The following TMPO variants were observed in gnomAD, a reference collection of about 807,000 sequenced individuals.
The protein encoded by TMPO is thymopoietin.
A neutral mutation model predicts 45.4 loss-of-function variants in TMPO; 22 were observed. The observed-to-expected ratio is 0.48, with a 90% CI of 0.35 to 0.69. TMPO has a LOEUF of 0.69. TMPO is among the 30% of genes least tolerant of loss of function. TMPO has a pLI of 0.01. For missense variants in TMPO, 512 were observed against 548.8 expected, an observed-to-expected ratio of 0.93 and a Z score of 0.67; for synonymous variants, 241 against 204.1, an observed-to-expected ratio of 1.18 and a Z score of -1.54.
At chr12:98,543,720 A>G (rs1182835740) in intron 4 of TMPO, among the ~76,000 whole-genome samples, 1 of 152,204 alleles carries the variant, frequency 6.6e-6, no homozygotes, top group Non-Finnish European at 1.5e-5. Context: ...TTTTAGTTCA[A>G]ATAAGCTATA....
chr12:98,539,863 G>A (rs752987509), intron 4 of TMPO, among the ~76,000 whole-genome samples: 1 of 152,176 alleles, frequency 6.6e-6, no homozygotes, highest in African/African-American at 2.4e-5. Flanking sequence ...TAAAAAGTCA[G>A]CATTTTAGCA....
At chr12:98,531,186 C>T (rs113401891) in intron 2 of TMPO, among the ~76,000 whole-genome samples, 3,631 of 150,986 alleles carry the variant, frequency 0.024, 148 homozygotes, top group African/African-American at 0.084. Flanking sequence ...GTGATCCACC[C>T]GCCTTGGCCT....
intron 7 of TMPO, among the ~76,000 whole-genome samples, chr12:98,545,592 C>T (rs1175435830): frequency 6.6e-6 from 1 of 152,084 alleles, no homozygotes; most frequent in Non-Finnish European, 1.5e-5. Context: ...GTAAAACAAG[C>T]TAAACATTAT....
In TMPO at chr12:98,546,283, A is replaced by C. The variant is rs1018314682; in HGVS notation, c.991-76A>C. The C allele has an allele frequency of 1.8e-5, 18 of 974,972 alleles. No homozygotes were observed. In the African/African-American group the frequency reaches 2.7e-4, roughly 15 times the overall value. The allele number at this position is 974,972 out of a possible 1,614,324, so 60.4% of individuals were successfully genotyped here. ...AAAGGCATTTTGTTCTCTAAAACTT[A>C]CTATTTATGTTTTAATTATTGCATG... On this transcript the variant is annotated intron_variant, in intron 7 of 8. Coordinates refer to ENST00000556029, the MANE Select transcript of TMPO (RefSeq NM_001032283.3).
chr12:98,538,631 G>A (rs911752588), intron 4 of TMPO, among the ~76,000 whole-genome samples: 3 of 152,080 alleles, frequency 2.0e-5, no homozygotes, highest in Non-Finnish European at 2.9e-5. Flanking sequence ...GGGATTACAG[G>A]TGTGAGCCAC....
chr12:98,521,342 G>C (rs1472053476), intron 1 of TMPO, among the ~76,000 whole-genome samples: 1 of 151,820 alleles, frequency 6.6e-6, no homozygotes, highest in Non-Finnish European at 1.5e-5. Flanking sequence ...TGGATCTCCT[G>C]ATCTTCTGAT....
chr12:98,537,345 A>G (rs1337794008), intron 3 of TMPO, 130 bp from the exon 4 acceptor site: 1 of 679,056 alleles, frequency 1.5e-6, no homozygotes, highest in Non-Finnish European at 2.5e-6. Flanking sequence ...TGGACTAGTG[A>G]GGTATTACCA....
intron 1 of TMPO, among the ~76,000 whole-genome samples, chr12:98,518,902 A>G (rs1876108255): frequency 6.7e-6 from 1 of 148,514 alleles, no homozygotes; most frequent in Admixed American, 6.7e-5. Flanking sequence ...TTTTTTTTTG[A>G]GACGAGTCTT....
chr12:98,531,596 C>A, intron 2 of TMPO, 84 bp from the exon 3 acceptor site: 1 of 1,396,876 alleles, frequency 7.2e-7, no homozygotes, highest in Non-Finnish European at 1.0e-6. Flanking sequence ...GTGAAAATAG[C>A]TTAAAATGTT....
chr12:98,519,129 G>A (rs1344843704), intron 1 of TMPO, among the ~76,000 whole-genome samples: 3 of 152,080 alleles, frequency 2.0e-5, no homozygotes, highest in Non-Finnish European at 4.4e-5. Context: ...TGATCCTCCC[G>A]TCTCGGCTTC....
chr12:98,536,993 G>A (rs57467331), intron 3 of TMPO, among the ~76,000 whole-genome samples: 5,892 of 152,128 alleles, frequency 0.039, 166 homozygotes, highest in South Asian at 0.099. Flanking sequence ...TAGAAGCTTG[G>A]TACTATATGG....
chr12:98,541,682 C>G (rs911029347), intron 4 of TMPO, among the ~76,000 whole-genome samples: 3 of 152,014 alleles, frequency 2.0e-5, no homozygotes, highest in African/African-American at 7.2e-5. Flanking sequence ...GCTAGGATTG[C>G]TTTTTCTTTT....
intron 1 of TMPO, among the ~76,000 whole-genome samples, chr12:98,526,421 C>T (rs1407466383): frequency 6.6e-6 from 1 of 152,132 alleles, no homozygotes; most frequent in Non-Finnish European, 1.5e-5. Flanking sequence ...ACACATCCTC[C>T]CTTATACTTC....
At chr12:98,521,641 T>C (rs545347770) in intron 1 of TMPO, among the ~76,000 whole-genome samples, 2 of 152,356 alleles carry the variant, frequency 1.3e-5, no homozygotes, top group Admixed American at 1.3e-4. Context: ...GAGTTGGCAG[T>C]CTGCCTTTTT....
chr12:98,519,562 T>C (rs1222074807), intron 1 of TMPO, among the ~76,000 whole-genome samples: 1 of 151,968 alleles, frequency 6.6e-6, no homozygotes, highest in Non-Finnish European at 1.5e-5. Context: ...CTCTTTACGT[T>C]TCATTTAATT....
At chr12:98,528,098 T>G in intron 2 of TMPO, 86 bp downstream of exon 2, 1 of 1,494,072 alleles carries the variant, frequency 6.7e-7, no homozygotes, top group Non-Finnish European at 9.3e-7. Flanking sequence ...GCAGTTTAGG[T>G]TCCAAGGACT....
intron 4 of TMPO, among the ~76,000 whole-genome samples, chr12:98,543,578 T>C (rs1592955018): frequency 6.6e-6 from 1 of 152,326 alleles, no homozygotes; most frequent in Non-Finnish European, 1.5e-5. Flanking sequence ...TCTGTCTTTC[T>C]GTAGTGACAT....
intron 1 of TMPO, among the ~76,000 whole-genome samples, chr12:98,525,906 C>T (rs184776916): frequency 2.6e-5 from 4 of 152,108 alleles, no homozygotes; most frequent in Admixed American, 6.5e-5. Flanking sequence ...TAGCCTTTTT[C>T]GTAAAATTTA....
chr12:98,524,768 A>G (rs1876638893), intron 1 of TMPO, among the ~76,000 whole-genome samples: 1 of 151,802 alleles, frequency 6.6e-6, no homozygotes, highest in South Asian at 2.1e-4. Flanking sequence ...TAATTTTTGC[A>G]TTTTTAAAAG....
Sources: gnomAD v4.1 joint callset for allele counts (sites outside exome capture counted in the v4.1 genomes callset) on GRCh38, gnomAD v4.1.1 for gene constraint, MANE v1.5 for transcripts, NCBI Gene and HGNC (gene_info 2026-07-23, HGNC 2026-07-21) for gene names.